Variants in DGKB observed in about 807,000 individuals in gnomAD.
DGKB encodes the protein diacylglycerol kinase beta, also known as 90 kDa diacylglycerol kinase.
Under a neutral mutation model 114.3 loss-of-function variants are expected in DGKB, and 67 were observed. The ratio of observed to expected loss-of-function variants is 0.59; its 90% CI spans 0.48 to 0.72. DGKB has a LOEUF of 0.72. Among genes scored for constraint, DGKB ranks in the 30% least tolerant of loss-of-function variants. The probability of loss-of-function intolerance (pLI) is 0.00; values close to 1 mark genes in which losing one functional copy is unlikely to be tolerated. For synonymous variants in DGKB, 398 were observed against 323.1 expected (o/e 1.23, Z -2.49); for missense variants, 907 against 975.2 (o/e 0.93, Z 0.93).
At chr7:14,236,852 C>G (rs1333673397) in intron 23 of DGKB, among the ~76,000 whole-genome samples, 1 of 151,750 alleles carries the variant, frequency 6.6e-6, no homozygotes, top group African/African-American at 2.4e-5. Context: ...GTGTAGACCC[C>G]TAAACATTTT....
Position 14,583,062 on chromosome 7 carries a change from C to T in DGKB, c.1509G>A (p.Leu503=). 1.2e-6 allele frequency: 2 copies of T among 1,612,502 alleles called. No homozygotes were observed. Among genetic ancestry groups the T allele is most frequent in the South Asian group, 1.1e-5 (1 of 91,018 alleles). The change falls in exon 18 of 26, where the codon TTG becomes TTA. Residue 503 remains leucine, a synonymous_variant. Coordinates refer to ENST00000402815, the MANE Select transcript of DGKB (RefSeq NM_001350709.2). ...CGGDGTVGWV[L]DCIEKANVGK... is the part of the protein sequence containing the mutation. The stretch of plus-strand genomic sequence containing the variant: ...ATGTGTCTGCATTACCTATGCAATC[C>T]AAAACCCAGCCCACGGTTCCATCTC...
chr7:14,769,081 G>T (rs998029249), intron 2 of DGKB, among the ~76,000 whole-genome samples: 20 of 81,452 alleles, frequency 2.5e-4, no homozygotes, highest in Admixed American at 4.3e-4. Context: ...AAGAAAGAAA[G>T]AAAGAAAGAA....
chr7:14,491,725 C>T (rs1015038060), intron 20 of DGKB, among the ~76,000 whole-genome samples: 2 of 152,002 alleles, frequency 1.3e-5, no homozygotes, highest in Non-Finnish European at 2.9e-5. Flanking sequence ...TGTTAAAAAA[C>T]AAAATATCGT....
chr7:14,375,326 CT>C (rs1219127307), intron 21 of DGKB, among the ~76,000 whole-genome samples: 1 of 152,160 alleles, frequency 6.6e-6, no homozygotes, highest in Non-Finnish European at 1.5e-5. Flanking sequence ...GCTGATGTTT[CT>C]TTTGTGAGTA....
intron 2 of DGKB, among the ~76,000 whole-genome samples, chr7:14,758,904 GATA>G: frequency 7.0e-6 from 1 of 142,148 alleles, no homozygotes; most frequent in Non-Finnish European, 1.5e-5. Flanking sequence ...TAGATAGATA[GATA>G]GATAGATAGA....
Position 14,701,817 on chromosome 7 carries a change from G to A in DGKB, c.467-87C>T. 3.3e-6 allele frequency: 3 copies of A among 904,024 alleles called. 1 individual carries two copies. In the South Asian group the frequency reaches 4.3e-5, roughly 13 times the overall value. 56.0% of individuals were successfully genotyped at this position (904,024 alleles called of 1,614,324 possible). ...GTATATTCATTAAAATTTAGTTTGT[G>A]TTGAAAACAAATACTAAATTCCTCT... On this transcript the variant is annotated intron_variant, in intron 6 of 25. Coordinates refer to ENST00000402815, the MANE Select transcript of DGKB (RefSeq NM_001350709.2).
chr7:14,919,095 A>ACAAACACACAC (rs1554345122), intron 1 of DGKB, among the ~76,000 whole-genome samples: 61 of 114,962 alleles, frequency 5.3e-4, no homozygotes, highest in African/African-American at 1.9e-3. Flanking sequence ...CACACACACA[A>ACAAACACACAC]ACACACACAC....
chr7:14,969,116 C>T (rs1211850613), intron 1 of DGKB, among the ~76,000 whole-genome samples: 1 of 152,134 alleles, frequency 6.6e-6, no homozygotes, highest in Non-Finnish European at 1.5e-5. Flanking sequence ...TATCAGAGAA[C>T]AACCAAAGGT....
chr7:14,478,134 A>G (rs1782466477), intron 21 of DGKB, 27 bp downstream of exon 21: 1 of 1,513,536 alleles, frequency 6.6e-7, no homozygotes, highest in Non-Finnish European at 9.1e-7. Flanking sequence ...AACTATATCT[A>G]TAATTTCATC....
chr7:14,352,394 T>C (rs920521775), intron 21 of DGKB, among the ~76,000 whole-genome samples: 40 of 152,302 alleles, frequency 2.6e-4, no homozygotes, highest in Admixed American at 2.1e-3. Flanking sequence ...TACTAATTAT[T>C]TCTTACCTAA....
At chr7:14,958,327 T>C (rs1415557835) in intron 1 of DGKB, among the ~76,000 whole-genome samples, 2 of 151,884 alleles carry the variant, frequency 1.3e-5, no homozygotes, top group East Asian at 3.9e-4. Flanking sequence ...GCAATGGTTT[T>C]ATTTTAGACA....
intron 12 of DGKB, among the ~76,000 whole-genome samples, chr7:14,677,503 T>A: frequency 6.6e-6 from 1 of 152,014 alleles, no homozygotes; most frequent in East Asian, 1.9e-4. Context: ...AGTATCTTAA[T>A]AAACAATATT....
intron 23 of DGKB, among the ~76,000 whole-genome samples, chr7:14,250,531 ATCT>A (rs1264082393): frequency 6.6e-5 from 10 of 152,074 alleles, no homozygotes; most frequent in African/African-American, 2.4e-4. Context: ...TATTATGTCA[ATCT>A]TCTTAAATGT....
At chr7:14,574,702 C>G (rs1798863895) in intron 19 of DGKB, among the ~76,000 whole-genome samples, 1 of 152,144 alleles carries the variant, frequency 6.6e-6, no homozygotes, top group East Asian at 1.9e-4. Context: ...GCTTCCATAT[C>G]TTCCTCCTGG....
chr7:14,199,288 C>T (rs1316263373), intron 23 of DGKB, among the ~76,000 whole-genome samples: 1 of 151,856 alleles, frequency 6.6e-6, no homozygotes, highest in Non-Finnish European at 1.5e-5. Context: ...AGATGAAAGA[C>T]ATTTGGCTAC....
At chr7:14,525,573 T>G (rs1790509083) in intron 20 of DGKB, among the ~76,000 whole-genome samples, 1 of 152,124 alleles carries the variant, frequency 6.6e-6, no homozygotes, top group South Asian at 2.1e-4. Flanking sequence ...CCTTAGCAGG[T>G]CACTTAAGTA....
chr7:14,888,032 G>A (rs988495745), intron 1 of DGKB, among the ~76,000 whole-genome samples: 1 of 151,676 alleles, frequency 6.6e-6, no homozygotes, highest in Non-Finnish European at 1.5e-5. Flanking sequence ...TGAATAAGTA[G>A]AAATAATATC....
chr7:14,861,360 T>C (rs893199741), intron 1 of DGKB, among the ~76,000 whole-genome samples: 1 of 151,992 alleles, frequency 6.6e-6, no homozygotes, highest in African/African-American at 2.4e-5. Context: ...TTAAGAAGTT[T>C]CTGATATAGC....
intron 20 of DGKB, among the ~76,000 whole-genome samples, chr7:14,531,942 T>C (rs772460713): frequency 6.0e-5 from 9 of 151,104 alleles, no homozygotes; most frequent in Non-Finnish European, 1.0e-4. Context: ...ACTTTTATCA[T>C]GCTAGTGAGA....
Sources: gnomAD v4.1 joint callset for allele counts (sites outside exome capture counted in the v4.1 genomes callset) on GRCh38, gnomAD v4.1.1 for gene constraint, MANE v1.5 for transcripts, NCBI Gene and HGNC (gene_info 2026-07-23, HGNC 2026-07-21) for gene names.